GART: variants seen among roughly 807,000 people sequenced by gnomAD.
GART encodes trifunctional purine biosynthetic protein adenosine-3.
GART carries 43 observed loss-of-function variants against 107.2 expected under a neutral mutation model. That is an observed-to-expected ratio of 0.40 (90% confidence interval 0.31 to 0.52). The LOEUF (loss-of-function observed/expected upper bound fraction) is 0.52, where lower values mean the gene tolerates loss of function less well. GART is among the 20% of genes least tolerant of loss of function. The pLI, the probability that GART is intolerant of heterozygous loss-of-function variation, is 0.52. For missense variants in GART, 1,107 were observed against 1,206.5 expected (o/e 0.92, Z 1.22); for synonymous variants, 434 against 427.0 (o/e 1.02, Z -0.20).
At chr21:33,523,641 A>T (rs2085012691) in intron 11 of GART, among the ~76,000 whole-genome samples, 1 of 152,328 alleles carries the variant, frequency 6.6e-6, no homozygotes, top group East Asian at 1.9e-4. Flanking sequence ...TCCGTAAATG[A>T]ACTTCACGAA....
intron 2 of GART, among the ~76,000 whole-genome samples, chr21:33,538,614 T>A (rs1044034555): frequency 6.6e-6 from 1 of 152,214 alleles, no homozygotes; most frequent in African/African-American, 2.4e-5. Flanking sequence ...ATTAGGCACT[T>A]ACTACTTTTC....
In GART at chr21:33,506,101, G is replaced by C. The variant is rs1311246081; in HGVS notation, c.2456C>G (p.Ser819Trp). The C allele has an allele frequency of 6.2e-7, 1 of 1,612,536 alleles. No homozygotes were observed. Among genetic ancestry groups the C allele is most frequent in the South Asian group, 1.1e-5 (1 of 90,816 alleles). ...ACTGTCTATAAGTGCTTGCAGGTTCGATCCTGAGAAGGGAGAAAAACAGCA... is the reference window on the plus strand; with the variant it reads ...ACTGTCTATAAGTGCTTGCAGGTTCCATCCTGAGAAGGGAGAAAAACAGCA... ...RVAVLISGTG[S>W]NLQALIDSTR... Residue 819 changes from serine to tryptophan, a missense_variant, in exon 19 of 22, where the codon TCG (serine) becomes TGG (tryptophan). Coordinates refer to ENST00000381815, the MANE Select transcript of GART (RefSeq NM_000819.5).
intron 20 of GART, among the ~76,000 whole-genome samples, chr21:33,505,254 A>G (rs1218099073): frequency 6.6e-6 from 1 of 152,256 alleles, no homozygotes; most frequent in African/African-American, 2.4e-5. Flanking sequence ...TTTATTCAAA[A>G]GATGAAATAT....
chr21:33,530,130 T>C (rs1440695467), intron 7 of GART, among the ~76,000 whole-genome samples: 3 of 152,160 alleles, frequency 2.0e-5, no homozygotes, highest in African/African-American at 7.2e-5. Context: ...AGGTGGAGGA[T>C]GTAGTGAGCC....
In GART at chr21:33,511,339, T is replaced by C. The variant is rs777018268; in HGVS notation, c.2227A>G (p.Lys743Glu). 9 of 1,614,098 alleles carry C rather than the reference T, an allele frequency of 5.6e-6. No homozygotes were observed. The African/African-American group carries it at 1.2e-4, about 22-fold the overall frequency. Residue 743 changes from lysine (K) to glutamate (E), a missense_variant, in exon 17 of 22, where the codon AAG becomes GAG. By Grantham distance (56) the Lys-to-Glu change is moderately conservative. Coordinates refer to ENST00000381815, the MANE Select transcript of GART (RefSeq NM_000819.5). ...CTCAGAATCTGCTCTGTCTGCTCCT[T>C]TGATACCACAAGGACAGCGCCAACC... ...CGVGAVLVVS[K>E]EQTEQILRDI...
In GART at chr21:33,520,916, G is replaced by C. The variant is rs758142921; in HGVS notation, c.1493C>G (p.Thr498Ser). ...LLASGTDGVGTKLKIAQLCNK... is the reference protein window; with the variant it reads ...LLASGTDGVGSKLKIAQLCNK... ...AAGGTGTCTGATTACCTTTAGTTTAGTTCCAACGCCATCTGTTCCAGAGGC... is the reference window on the plus strand; with the variant it reads ...AAGGTGTCTGATTACCTTTAGTTTACTTCCAACGCCATCTGTTCCAGAGGC... The change falls in exon 13 of 22, where the codon ACT (threonine) becomes AGT (serine). Residue 498 changes from threonine to serine, a missense_variant. Thr to Ser is a moderately conservative substitution (Grantham distance 58). Transcript: ENST00000381815. 1 of 1,611,304 alleles carries C rather than the reference G, an allele frequency of 6.2e-7. No individual in the cohort carries two copies. The highest frequency in any genetic ancestry group is 8.5e-7 in the Non-Finnish European group (1 of 1,178,684).
intron 10 of GART, among the ~76,000 whole-genome samples, chr21:33,526,583 A>G (rs543270754): frequency 1.3e-3 from 201 of 151,232 alleles, no homozygotes; most frequent in African/African-American, 4.8e-3. Flanking sequence ...CTTTCTTTTC[A>G]GTATAACCAA....
chr21:33,533,438 CA>C (rs5843612), intron 4 of GART, among the ~76,000 whole-genome samples: 86,431 of 128,488 alleles, frequency 0.67, 27,353 homozygotes, highest in East Asian at 0.72. Flanking sequence ...GAACGAGACT[CA>C]AAAAAAAAAA....
intron 2 of GART, among the ~76,000 whole-genome samples, chr21:33,535,835 C>T (rs1417089286): frequency 6.6e-6 from 1 of 152,068 alleles, no homozygotes; most frequent in Non-Finnish European, 1.5e-5. Context: ...CGAGACCAGC[C>T]TGAACAATAT....
At chr21:33,531,695 A>G in intron 5 of GART, 138 bp from the exon 6 acceptor site, 1 of 703,756 alleles carries the variant, frequency 1.4e-6, no homozygotes, top group Non-Finnish European at 2.3e-6. Flanking sequence ...CCCTTTCAGA[A>G]AGACTCAAAG....
intron 16 of GART, among the ~76,000 whole-genome samples, chr21:33,516,732 A>G (rs2084886052): frequency 6.6e-6 from 1 of 152,096 alleles, no homozygotes; most frequent in African/African-American, 2.4e-5. Context: ...GAAGTTACCA[A>G]TCCCCTTGGA....
chr21:33,514,293 C>T (rs1305761487), intron 16 of GART, among the ~76,000 whole-genome samples: 1 of 152,020 alleles, frequency 6.6e-6, no homozygotes, highest in Non-Finnish European at 1.5e-5. Flanking sequence ...AAAAAACCCC[C>T]AGAAGTCCTT....
chr21:33,540,039 TAC>T (rs1385306170), intron 1 of GART, among the ~76,000 whole-genome samples: 4 of 152,208 alleles, frequency 2.6e-5, no homozygotes, highest in African/African-American at 4.8e-5. Flanking sequence ...CTTGAAATCT[TAC>T]AGATAATTAG....
intron 1 of GART, among the ~76,000 whole-genome samples, chr21:33,540,734 T>TA (rs1457464602): frequency 5.3e-5 from 8 of 152,222 alleles, no homozygotes; most frequent in Admixed American, 5.2e-4. Context: ...ATTGAAAACT[T>TA]ATTTTGATGA....
rs747450439 is a variant in GART at position 33,517,574 on chromosome 21, G to A, written c.1737C>T (p.Pro579=). The change falls in exon 15 of 22, where the codon CCC becomes CCT. Residue 579 remains proline, a synonymous_variant. Coordinates refer to ENST00000381815, the MANE Select transcript of GART (RefSeq NM_000819.5). ...ACCCAGCTAGGTCATACTCTCCAGG[G>A]GGATACATGTCAGGCATTTCTGCTG... ...GETAEMPDMY[P]PGEYDLAGFA... is the part of the protein sequence containing the mutation. The A allele has an allele frequency of 6.2e-7, 1 of 1,614,168 alleles. No individual in the cohort carries two copies. The highest frequency in any genetic ancestry group is 8.5e-7 in the Non-Finnish European group (1 of 1,180,010).
chr21:33,518,445 T>G (rs1471124679), intron 14 of GART, among the ~76,000 whole-genome samples: 1 of 150,932 alleles, frequency 6.6e-6, no homozygotes, highest in Non-Finnish European at 1.5e-5. Context: ...GCCACTGCAC[T>G]CCAGCCTGGG....
rs758185756 is a variant in GART, at chr21:33,524,803, C to T, written c.1264G>A (p.Gly422Ser). The T allele has an allele frequency of 4.3e-6, 7 of 1,614,100 alleles. No individual in the cohort carries two copies. The highest frequency in any genetic ancestry group is 2.2e-5 in the South Asian group (2 of 91,096). The change falls in exon 11 of 22, where the codon GGC becomes AGC. Residue 422 changes from glycine (G) to serine (S), a missense_variant. Transcript: ENST00000381815. ...FEGAIYRKDV[G>S]FRAIAFLQQP... ...TGGAGGAAAGCTATGGCACGAAAGC[C>T]GACGTCTTTCCTATAAATTGCTCCC... is the stretch of plus-strand genomic sequence containing the variant.
At chr21:33,515,518 T>TAGTCCC (rs1377313408) in intron 16 of GART, among the ~76,000 whole-genome samples, 1 of 151,870 alleles carries the variant, frequency 6.6e-6, no homozygotes, top group East Asian at 1.9e-4. Flanking sequence ...CGGGCACCTG[T>TAGTCCC]AGTCCCAGCT....
At chr21:33,527,788 G>A (rs2085102808) in intron 10 of GART, among the ~76,000 whole-genome samples, 1 of 152,262 alleles carries the variant, frequency 6.6e-6, no homozygotes, top group African/African-American at 2.4e-5. Flanking sequence ...ATGCATTTGT[G>A]ATAATTCAGA....
Sources: gnomAD v4.1 joint callset for allele counts (sites outside exome capture counted in the v4.1 genomes callset) on GRCh38, gnomAD v4.1.1 for gene constraint, MANE v1.5 for transcripts, NCBI Gene and HGNC (gene_info 2026-07-23, HGNC 2026-07-21) for gene names.